Variants in ENTPD7 observed in about 807,000 individuals in gnomAD.
ENTPD7 encodes NTPDase 7.
A neutral mutation model predicts 77.9 loss-of-function variants in ENTPD7; 53 were observed. The observed-to-expected ratio is 0.68, with a 90% CI of 0.55 to 0.85. The LOEUF (loss-of-function observed/expected upper bound fraction) is 0.85, where lower values mean the gene tolerates loss of function less well. ENTPD7 is among the 40% of genes least tolerant of loss of function. The probability of loss-of-function intolerance (pLI) is 0.00; values close to 1 mark genes in which losing one functional copy is unlikely to be tolerated. For missense variants in ENTPD7, 636 were observed against 743.7 expected, an observed-to-expected ratio of 0.86 and a Z score of 1.68; for synonymous variants, 248 against 274.9, an observed-to-expected ratio of 0.90 and a Z score of 0.97.
At position 99,710,305 on chromosome 10, in the gene ENTPD7, G is replaced by A. The variant is rs1249299379; in HGVS notation, c.*5622G>A. The A allele has an allele frequency of 6.1e-6, 6 of 985,394 alleles. No individual in the cohort carries two copies. The highest frequency in any genetic ancestry group is 7.2e-6 in the Non-Finnish European group (6 of 829,938). The allele number at this position is 985,394 out of a possible 1,614,324, so 61.0% of individuals were successfully genotyped here. ...ACATACTTTGGTTTCTAGTGTTTCA[G>A]TTACTATGTTGTATTTGAAATTCTC... On this transcript the variant is annotated 3_prime_UTR_variant, in exon 13 of 13. Coordinates refer to ENST00000370489, the MANE Select transcript of ENTPD7 (RefSeq NM_020354.5).
chr10:99,698,446 T>G (rs918527583), intron 9 of ENTPD7, 88 bp from the exon 10 acceptor site: 1 of 1,292,144 alleles, frequency 7.7e-7, no homozygotes, highest in Non-Finnish European at 1.1e-6. Context: ...AGTAGTAAGA[T>G]ATTTCTGATG....
Position 99,711,109 on chromosome 10 carries a change from A to AC in ENTPD7, c.*6429dup, listed in dbSNP as rs1269265540. On this transcript the variant is annotated 3_prime_UTR_variant, in exon 13 of 13. Transcript: ENST00000370489. ...TGGGAATAACATAAATACAAAAAAA[A>AC]CCCTAAGATAATCATTCACCAGAAG... 23 of 984,392 alleles carry AC rather than the reference A, an allele frequency of 2.3e-5. No individual in the cohort carries two copies. Among genetic ancestry groups the AC allele is most frequent in the Non-Finnish European group, 2.7e-5 (22 of 829,566 alleles). The allele number at this position is 984,392 out of a possible 1,614,324, so 61.0% of individuals were successfully genotyped here. A position where few individuals can be genotyped will look rare whatever the true frequency, so the allele number is the denominator to read the frequency against.
intron 5 of ENTPD7, among the ~76,000 whole-genome samples, chr10:99,682,721 A>G (rs1299149175): frequency 6.6e-6 from 1 of 152,224 alleles, no homozygotes; most frequent in Non-Finnish European, 1.5e-5. Flanking sequence ...TATTTGACAT[A>G]GGTGATATTC....
At chr10:99,688,362 G>C (rs1159590522) in intron 6 of ENTPD7, among the ~76,000 whole-genome samples, 1 of 152,142 alleles carries the variant, frequency 6.6e-6, no homozygotes, top group East Asian at 1.9e-4. Context: ...TTTGTATTCA[G>C]TGGGGAGACA....
intron 6 of ENTPD7, among the ~76,000 whole-genome samples, chr10:99,688,202 A>G (rs1217217415): frequency 6.6e-6 from 1 of 152,202 alleles, no homozygotes; most frequent in Admixed American, 6.5e-5. Flanking sequence ...TCTTAAGTCT[A>G]GACCAGGTAA....
chr10:99,679,097 C>T (rs1054100846), intron 3 of ENTPD7, among the ~76,000 whole-genome samples, 164 bp from the exon 4 acceptor site: 1 of 151,962 alleles, frequency 6.6e-6, no homozygotes, highest in African/African-American at 2.4e-5. Flanking sequence ...TCAAGCACAT[C>T]AGTAAATCTG....
chr10:99,681,463 T>G (rs1230514229), intron 5 of ENTPD7, among the ~76,000 whole-genome samples: 3 of 151,920 alleles, frequency 2.0e-5, no homozygotes, highest in South Asian at 2.1e-4. Flanking sequence ...TATTTTTTTT[T>G]GTAGAGATGG....
intron 12 of ENTPD7, 30 bp from the exon 13 acceptor site, chr10:99,704,422 T>C: frequency 6.2e-7 from 1 of 1,610,842 alleles, no homozygotes; most frequent in Non-Finnish European, 8.5e-7. Context: ...AACAGTTTTT[T>C]CCACCTACAA....
intron 8 of ENTPD7, among the ~76,000 whole-genome samples, chr10:99,694,947 A>G (rs907502844): frequency 2.0e-5 from 3 of 152,234 alleles, no homozygotes; most frequent in African/African-American, 7.2e-5. Flanking sequence ...ATTTTATAAT[A>G]ATACATATAT....
chr10:99,683,917 T>TTC (rs1425695581), intron 5 of ENTPD7, among the ~76,000 whole-genome samples: 1 of 152,258 alleles, frequency 6.6e-6, no homozygotes, highest in Non-Finnish European at 1.5e-5. Context: ...GCTGCAGTAT[T>TTC]TCTCTTCTTT....
intron 10 of ENTPD7, among the ~76,000 whole-genome samples, chr10:99,699,593 C>G (rs1343645442): frequency 2.0e-5 from 3 of 152,088 alleles, no homozygotes. Flanking sequence ...GAGATGGGGT[C>G]TCGCTCTGTA....
intron 10 of ENTPD7, 153 bp from the exon 11 acceptor site, chr10:99,700,820 C>T (rs774799998): frequency 5.7e-6 from 4 of 700,362 alleles, no homozygotes; most frequent in Middle Eastern, 2.5e-4. Flanking sequence ...AGGGGTATGA[C>T]GCAGTGTTTA....
chr10:99,690,941 G>A (rs918356694), intron 7 of ENTPD7, among the ~76,000 whole-genome samples: 1 of 152,142 alleles, frequency 6.6e-6, no homozygotes, highest in Non-Finnish European at 1.5e-5. Context: ...TAATTCACAA[G>A]AATTATTCTT....
chr10:99,706,758 C>G lies in ENTPD7; in HGVS notation c.*2075C>G, dbSNP rs1171367412. Reference sequence around the variant, plus strand: ...CTGTGCTCCGTGAACCTTATGAATGCTGCTTAAAAATAATGTCAAAATATG... The same window carrying G: ...CTGTGCTCCGTGAACCTTATGAATGGTGCTTAAAAATAATGTCAAAATATG... On this transcript the variant is annotated 3_prime_UTR_variant, in exon 13 of 13. Transcript: ENST00000370489. Among the ~76,000 whole-genome samples, 1 of 152,160 alleles carries G rather than the reference C, an allele frequency of 6.6e-6. No homozygotes were observed. Among genetic ancestry groups the G allele is most frequent in the Non-Finnish European group, 1.5e-5 (1 of 68,030 alleles).
chr10:99,696,848 G>A (rs1474091184), intron 9 of ENTPD7, among the ~76,000 whole-genome samples: 3 of 152,156 alleles, frequency 2.0e-5, no homozygotes, highest in African/African-American at 4.8e-5. Flanking sequence ...TAAGTAATTG[G>A]GTGATTGATT....
At chr10:99,698,385 T>C in intron 9 of ENTPD7, 149 bp from the exon 10 acceptor site, 1 of 707,062 alleles carries the variant, frequency 1.4e-6, no homozygotes, top group South Asian at 1.9e-5. Flanking sequence ...GTTAAATGTT[T>C]ATGTGATGAA....
intron 4 of ENTPD7, 43 bp from the exon 5 acceptor site, chr10:99,679,682 C>A: frequency 6.3e-7 from 1 of 1,581,342 alleles, no homozygotes; most frequent in Non-Finnish European, 8.6e-7. Flanking sequence ...ATGTGAGCCG[C>A]TTTTTAAAGA....
Position 99,709,903 on chromosome 10 carries a change from A to G in ENTPD7, c.*5220A>G. On this transcript the variant is annotated 3_prime_UTR_variant, in exon 13 of 13. Transcript: ENST00000370489. ...TTGTTTCTCTGAAAATCTGAGCAAT[A>G]CGGAGATCCTTTTATTAGTAAAACT... 1 of 985,466 alleles carries G rather than the reference A, an allele frequency of 1.0e-6. No individual in the cohort carries two copies. The allele number at this position is 985,466 out of a possible 1,614,324, so 61.0% of individuals were successfully genotyped here. A position where few individuals can be genotyped will look rare whatever the true frequency, so the allele number is the denominator to read the frequency against.
At chr10:99,660,523 T>TACAC in intron 2 of ENTPD7, 1 of 348,886 alleles carries the variant, frequency 2.9e-6, no homozygotes, top group Non-Finnish European at 5.5e-6. Flanking sequence ...AGGGAATGGA[T>TACAC]ACGCACACAC....
Sources: gnomAD v4.1 joint callset for allele counts (sites outside exome capture counted in the v4.1 genomes callset) on GRCh38, gnomAD v4.1.1 for gene constraint, MANE v1.5 for transcripts, NCBI Gene and HGNC (gene_info 2026-07-23, HGNC 2026-07-21) for gene names.